Variants in PAPPA2 observed in about 807,000 individuals in gnomAD.
PAPPA2 encodes the protein pappalysin 2, also known as pappalysin-2.
PAPPA2 carries 86 observed loss-of-function variants against 176.4 expected under a neutral mutation model. The ratio of observed to expected loss-of-function variants is 0.49; its 90% CI spans 0.41 to 0.58. The LOEUF is 0.58. PAPPA2 is among the 20% of genes least tolerant of loss of function. PAPPA2 has a pLI of 0.00. For missense variants in PAPPA2, 2,073 were observed against 2,256.9 expected, an observed-to-expected ratio of 0.92 and a Z score of 1.65; for synonymous variants, 809 against 852.2, an observed-to-expected ratio of 0.95 and a Z score of 0.88.
chr1:176,798,398 G>T (rs902127588), intron 20 of PAPPA2, among the ~76,000 whole-genome samples: 10 of 152,140 alleles, frequency 6.6e-5, no homozygotes, highest in Non-Finnish European at 1.3e-4. Context: ...TATATGTTTG[G>T]TCTGAATTGA....
intron 21 of PAPPA2, among the ~76,000 whole-genome samples, chr1:176,805,223 A>T (rs1040369231): frequency 6.6e-6 from 1 of 152,162 alleles, no homozygotes; most frequent in Admixed American, 6.6e-5. Context: ...AGGGATAAAG[A>T]CTTATCTTAT....
chr1:176,511,927 GT>G (rs1037186818), intron 1 of PAPPA2, among the ~76,000 whole-genome samples: 5 of 151,906 alleles, frequency 3.3e-5, no homozygotes, highest in Admixed American at 1.3e-4. Flanking sequence ...ATAAATATCA[GT>G]TTTTTTCCTT....
At chr1:176,470,590 A>G (rs1651825717) in intron 1 of PAPPA2, among the ~76,000 whole-genome samples, 1 of 152,182 alleles carries the variant, frequency 6.6e-6, no homozygotes, top group African/African-American at 2.4e-5. Flanking sequence ...AGAGAAGGAA[A>G]ATAGAACTAA....
At chr1:176,559,081 G>A (rs747044549) in intron 2 of PAPPA2, among the ~76,000 whole-genome samples, 2 of 152,046 alleles carry the variant, frequency 1.3e-5, no homozygotes, top group Non-Finnish European at 2.9e-5. Flanking sequence ...CCCCACCCCA[G>A]GACGTCTTTC....
At chr1:176,660,237 C>T (rs868334037) in intron 3 of PAPPA2, among the ~76,000 whole-genome samples, 4 of 151,966 alleles carry the variant, frequency 2.6e-5, no homozygotes, top group South Asian at 2.1e-4. Flanking sequence ...CCAGGAGAGC[C>T]GTGGAACACT....
Position 176,670,953 on chromosome 1 carries a change from T to C in PAPPA2, c.1992-17T>C, listed in dbSNP as rs781020978. 6.2e-7 allele frequency: 1 copy of C among 1,612,908 alleles called. No individual in the cohort carries two copies. The highest frequency in any genetic ancestry group is 1.7e-5 in the Admixed American group (1 of 59,896). On this transcript the variant is annotated splice_polypyrimidine_tract_variant and intron_variant, in intron 3 of 22. Coordinates refer to ENST00000367662, the MANE Select transcript of PAPPA2 (RefSeq NM_020318.3). Reference sequence around the variant, plus strand: ...AATTCTTTGCTGTGACATTTTTTCATCTTGCATGCTCTCTAGGGCATACAT... The same window carrying C: ...AATTCTTTGCTGTGACATTTTTTCACCTTGCATGCTCTCTAGGGCATACAT...
In PAPPA2 at chr1:176,829,067, G is replaced by A. The variant is rs1051066902; in HGVS notation, c.5203-11106G>A. Among the ~76,000 whole-genome samples the A allele has an allele frequency of 3.9e-5, 6 of 152,152 alleles. No individual in the cohort carries two copies. In the South Asian group the frequency reaches 6.2e-4, roughly 16 times the overall value. ...AACACTAACAAAAACTCAAAGAAAC[G>A]TAGATTAAAGTTTACCCCAAAGTGA... is the stretch of plus-strand genomic sequence containing the variant. On this transcript the variant is annotated intron_variant, in intron 21 of 22. Transcript: ENST00000367662.
intron 21 of PAPPA2, among the ~76,000 whole-genome samples, chr1:176,833,978 A>G (rs1667176722): frequency 6.6e-6 from 1 of 152,200 alleles, no homozygotes; most frequent in South Asian, 2.1e-4. Context: ...TCATAAGGTA[A>G]CATACCTAGC....
chr1:176,607,496 A>G (rs985981902), intron 3 of PAPPA2, among the ~76,000 whole-genome samples: 7 of 152,190 alleles, frequency 4.6e-5, no homozygotes, highest in Admixed American at 3.9e-4. Flanking sequence ...TTCACTTAAT[A>G]TATGTCCTTC....
rs927620947 is a variant in PAPPA2, at chr1:176,463,358, C to T, written c.-977C>T. ...ACGGGTGTTTGGGGACCTCCCCAAG[C>T]CCACGAGTATCAATGGCAGTATCAA... On this transcript the variant is annotated 5_prime_UTR_variant, in exon 1 of 23. Transcript: ENST00000367662. 1 of 152,238 alleles carries T rather than the reference C, an allele frequency of 6.6e-6. No homozygotes were observed. The highest frequency in any genetic ancestry group is 2.4e-5 in the African/African-American group (1 of 41,448). The allele number at this position is 152,238 out of a possible 1,614,324, so 9.4% of individuals were successfully genotyped here. A position where few individuals can be genotyped will look rare whatever the true frequency, so the allele number is the denominator to read the frequency against.
At chr1:176,671,201 A>T (rs181142681) in intron 4 of PAPPA2, 86 bp downstream of exon 4, 1 of 1,543,580 alleles carries the variant, frequency 6.5e-7, no homozygotes, top group East Asian at 2.3e-5. Flanking sequence ...GGAAAAAAGA[A>T]AGACAGAGAA....
chr1:176,703,927 G>A (rs1306106537), intron 9 of PAPPA2, among the ~76,000 whole-genome samples: 2 of 152,160 alleles, frequency 1.3e-5, no homozygotes, highest in African/African-American at 4.8e-5. Context: ...TGACACTGTT[G>A]TTGTTTTCTC....
intron 21 of PAPPA2, among the ~76,000 whole-genome samples, chr1:176,839,801 C>G (rs1164256666): frequency 6.6e-6 from 1 of 152,160 alleles, no homozygotes; most frequent in African/African-American, 2.4e-5. Flanking sequence ...CCAATCCTGC[C>G]TACTGCACAG....
intron 2 of PAPPA2, among the ~76,000 whole-genome samples, chr1:176,581,838 A>G (rs1003884100): frequency 6.6e-6 from 1 of 151,246 alleles, no homozygotes; most frequent in Non-Finnish European, 1.5e-5. Flanking sequence ...TTTATCAGTT[A>G]TAAGAGTTTT....
intron 12 of PAPPA2, among the ~76,000 whole-genome samples, chr1:176,723,220 A>G (rs141062547): frequency 5.9e-4 from 90 of 152,302 alleles, no homozygotes; most frequent in African/African-American, 2.1e-3. Flanking sequence ...TCATGACCCA[A>G]TTGCCTTTGA....
intron 3 of PAPPA2, among the ~76,000 whole-genome samples, chr1:176,607,802 A>T (rs761483761): frequency 2.0e-4 from 31 of 152,186 alleles, no homozygotes; most frequent in Non-Finnish European, 3.5e-4. Flanking sequence ...ATAACTCACC[A>T]ATAAACTGTT....
At chr1:176,708,381 T>TAAA (rs1447750145) in intron 10 of PAPPA2, among the ~76,000 whole-genome samples, 4 of 152,050 alleles carry the variant, frequency 2.6e-5, no homozygotes, top group African/African-American at 9.7e-5. Flanking sequence ...GGAACCCCAT[T>TAAA]GTAAAATATA....
At chr1:176,679,782 G>T (rs1659491969) in intron 4 of PAPPA2, among the ~76,000 whole-genome samples, 2 of 152,212 alleles carry the variant, frequency 1.3e-5, no homozygotes, top group Non-Finnish European at 2.9e-5. Flanking sequence ...AAGTCAGAGA[G>T]AAGTACATTA....
At chr1:176,523,880 G>A (rs1649335441) in intron 1 of PAPPA2, among the ~76,000 whole-genome samples, 1 of 152,172 alleles carries the variant, frequency 6.6e-6, no homozygotes, top group Admixed American at 6.5e-5. Flanking sequence ...TTGTACCTTG[G>A]CAAATGGCTC....
Sources: allele counts gnomAD v4.1 joint callset (sites outside exome capture counted in the v4.1 genomes callset), GRCh38; gene constraint gnomAD v4.1.1; transcripts MANE v1.5; gene names NCBI Gene and HGNC (gene_info 2026-07-23, HGNC 2026-07-21).